SPIN3: variants seen among roughly 807,000 people sequenced by gnomAD.
The protein encoded by SPIN3 is spindlin family member 3.
For missense variants in SPIN3, 176 were observed against 196.4 expected, an observed-to-expected ratio of 0.90 and a Z score of 0.62; for synonymous variants, 74 against 74.3, an observed-to-expected ratio of 1.00 and a Z score of 0.02.
chrX:56,995,521 T>C lies in SPIN3; in HGVS notation c.-308A>G, dbSNP rs1178545269. The stretch of plus-strand genomic sequence containing the variant: ...CTCTCCCACATCGGACTCCCACTAG[T>C]CGCTGCTGCGCCGCAGTCTCCTCCT... On this transcript the variant is annotated 5_prime_UTR_variant, in exon 1 of 2. Transcript: ENST00000374919. The C allele has an allele frequency of 8.9e-6, 1 of 112,554 alleles. No homozygotes were observed. Among genetic ancestry groups the C allele is most frequent in the Non-Finnish European group, 1.9e-5 (1 of 53,877 alleles). 9.3% of individuals were successfully genotyped at this position (112,554 alleles called of 1,213,427 possible). A position where few individuals can be genotyped will look rare whatever the true frequency, so the allele number is the denominator to read the frequency against.
rs1287054919 is a variant in SPIN3 at position 56,992,935 on chromosome X, A to G, written c.*1236T>C. ...AAACAGGATAGTTAAAAATCCAAAC[A>G]CTAACAAAAATCTATTAGATTTCTA... On this transcript the variant is annotated 3_prime_UTR_variant, in exon 2 of 2. Transcript: ENST00000374919. 8.0e-6 allele frequency: 1 copy of G among 125,111 alleles called. No individual in the cohort carries two copies. The highest frequency in any genetic ancestry group is 3.4e-3 in the Middle Eastern group (1 of 293). The allele number at this position is 125,111 out of a possible 1,213,427, so 10.3% of individuals were successfully genotyped here. A position where few individuals can be genotyped will look rare whatever the true frequency, so the allele number is the denominator to read the frequency against.
intron 1 of SPIN3, 31 bp from the exon 2 acceptor site, chrX:56,994,980 C>T: frequency 1.8e-6 from 2 of 1,135,005 alleles, no homozygotes; most frequent in South Asian, 4.2e-5. Context: ...GCCAGGTGGA[C>T]CGAGAAAGGA....
chrX:56,994,819 G>A lies in SPIN3; in HGVS notation c.129C>T (p.Ser43=). The A allele has an allele frequency of 8.3e-7, 1 of 1,211,690 alleles. No individual in the cohort carries two copies. Among genetic ancestry groups the A allele is most frequent in the Non-Finnish European group, 1.1e-6 (1 of 895,529 alleles). ...AHKKHRSRPT[S]QPRGNIVGCR... is the part of the protein sequence containing the mutation. ...AGCCCACGATGTTCCCCCGAGGCTG[G>A]GAGGTGGGTCGGCTCCTATGCTTCT... The change falls in exon 2 of 2, where the codon TCC becomes TCT. Residue 43 remains serine (S), a synonymous_variant. Coordinates refer to ENST00000374919, the MANE Select transcript of SPIN3 (RefSeq NM_001010862.3).
chrX:56,994,800 C>G lies in SPIN3; in HGVS notation c.148G>C (p.Val50Leu), dbSNP rs754139163. 8.3e-7 allele frequency: 1 copy of G among 1,211,716 alleles called. No individual in the cohort carries two copies. The highest frequency in any genetic ancestry group is 2.2e-5 in the Admixed American group (1 of 46,076). ...RPTSQPRGNI[V>L]GCRIQHGWKD... is the part of the protein sequence containing the mutation. Reference sequence around the variant, plus strand: ...CATCCGTGCTGAATTCTGCAGCCCACGATGTTCCCCCGAGGCTGGGAGGTG... The same window carrying G: ...CATCCGTGCTGAATTCTGCAGCCCAGGATGTTCCCCCGAGGCTGGGAGGTG... Residue 50 changes from valine to leucine, a missense_variant, in exon 2 of 2, where the codon GTG (valine) becomes CTG (leucine). By Grantham distance (32) the Val-to-Leu change is conservative. Coordinates refer to ENST00000374919, the MANE Select transcript of SPIN3 (RefSeq NM_001010862.3).
At chrX:56,983,611 A>T (rs574815990) in intron 3 of SPIN3, among the ~76,000 whole-genome samples, 3 of 112,806 alleles carry the variant, frequency 2.7e-5, no homozygotes, top group South Asian at 3.6e-4. Context: ...TGTTTAAGCA[A>T]GGGAGGCCCT....
In SPIN3 at chrX:56,994,845, T is replaced by G; in HGVS notation, c.103A>C (p.Lys35Gln). 3 of 1,211,805 alleles carry G rather than the reference T, an allele frequency of 2.5e-6. No homozygotes were observed. The highest frequency in any genetic ancestry group is 3.3e-6 in the Non-Finnish European group (3 of 895,558). The change falls in exon 2 of 2, where the codon AAG (lysine) becomes CAG (glutamine). Residue 35 changes from lysine (K) to glutamine (Q), a missense_variant. By Grantham distance (53) the Lys-to-Gln change is moderately conservative. Coordinates refer to ENST00000374919, the MANE Select transcript of SPIN3 (RefSeq NM_001010862.3). ...GAGGTGGGTCGGCTCCTATGCTTCTTGTGTGCAGCCTTCCTCTTTATCATG... is the reference window on the plus strand; with the variant it reads ...GAGGTGGGTCGGCTCCTATGCTTCTGGTGTGCAGCCTTCCTCTTTATCATG... ...VTMIKRKAAH[K>Q]KHRSRPTSQP...
rs1222813922 is a variant in SPIN3, at chrX:56,981,113, C to G, written c.*205-2453G>C. On this transcript the variant is annotated intron_variant and NMD_transcript_variant, in intron 3 of 5. Coordinates refer to the SPIN3 transcript ENST00000475785. ...CAATGGCTCACGCCTATAATCCCAG[C>G]ACTTTGGGAGGCCGAGGCAGGCAGA... 2.3e-4 allele frequency among the ~76,000 whole-genome samples: 25 copies of G among 110,375 alleles called. No homozygotes were observed. In the Admixed American group the frequency reaches 2.4e-3, roughly 11 times the overall value.
chrX:56,985,606 C>T (rs984811810), intron 2 of SPIN3, among the ~76,000 whole-genome samples: 3 of 112,233 alleles, frequency 2.7e-5, no homozygotes, highest in African/African-American at 6.5e-5. Flanking sequence ...ACCCCAAGGG[C>T]GCTGCTTAAT....
chrX:56,989,981 C>A (rs991087687), downstream of SPIN3, among the ~76,000 whole-genome samples: 1 of 110,075 alleles, frequency 9.1e-6, no homozygotes, highest in Non-Finnish European at 1.9e-5. Flanking sequence ...CCACCCTGTC[C>A]GTGGAAAAAT....
chrX:56,981,695 T>C (rs1441608467), intron 3 of SPIN3: 1 of 112,425 alleles, frequency 8.9e-6, no homozygotes, highest in African/African-American at 3.2e-5. Flanking sequence ...ACTTATTTCC[T>C]ATCTGCATTT....
chrX:56,981,737 A>G (rs924467377), intron 3 of SPIN3: 1 of 112,007 alleles, frequency 8.9e-6, no homozygotes, highest in Non-Finnish European at 1.9e-5. Context: ...TCACGGATTT[A>G]TGGTAACATT....
chrX:56,990,693 T>A (rs1430662895), downstream of SPIN3: 1 of 111,470 alleles, frequency 9.0e-6, no homozygotes, highest in Non-Finnish European at 1.9e-5. Context: ...TTGAGAAAAA[T>A]TGGACTGGCA....
chrX:56,994,113 G>C lies in SPIN3; in HGVS notation c.*58C>G. 9.4e-7 allele frequency: 1 copy of C among 1,061,128 alleles called. No homozygotes were observed. Among genetic ancestry groups the C allele is most frequent in the Non-Finnish European group, 1.3e-6 (1 of 797,074 alleles). 87.4% of individuals were successfully genotyped at this position (1,061,128 alleles called of 1,213,427 possible). ...TTCTTACAAACTGGAAAGCAATCAAGACTTTCTGTGTCTACAGATTTAGAG... is the reference window on the plus strand; with the variant it reads ...TTCTTACAAACTGGAAAGCAATCAACACTTTCTGTGTCTACAGATTTAGAG... On this transcript the variant is annotated 3_prime_UTR_variant, in exon 2 of 2. Coordinates refer to ENST00000374919, the MANE Select transcript of SPIN3 (RefSeq NM_001010862.3).
chrX:56,992,244 C>T lies in SPIN3; in HGVS notation c.*1927G>A, dbSNP rs771160158. On this transcript the variant is annotated 3_prime_UTR_variant, in exon 2 of 2. Transcript: ENST00000374919. ...CCTCAGGAGTTGAATTAATCTAACC[C>T]CACAATTGCATGTCATACATATTAA... 1 of 297,045 alleles carries T rather than the reference C, an allele frequency of 3.4e-6. No homozygotes were observed. Among genetic ancestry groups the T allele is most frequent in the South Asian group, 2.0e-4 (1 of 4,969 alleles). 24.5% of individuals were successfully genotyped at this position (297,045 alleles called of 1,213,427 possible).
downstream of SPIN3, chrX:56,975,929 G>A (rs1328401052): frequency 1.8e-5 from 2 of 111,417 alleles, no homozygotes; most frequent in African/African-American, 6.5e-5. Context: ...TAAGGCCATA[G>A]GGATTCCCTT....
chrX:56,982,167 G>A (rs969223130), intron 3 of SPIN3: 3 of 111,533 alleles, frequency 2.7e-5, no homozygotes, highest in Non-Finnish European at 5.6e-5. Context: ...CCAGGATCAT[G>A]ATGGAATTCT....
downstream of SPIN3, chrX:56,975,530 T>C (rs1334407953): frequency 9.0e-6 from 1 of 110,808 alleles, no homozygotes; most frequent in African/African-American, 3.3e-5. Context: ...TGTTGGAGGG[T>C]ATAATGAGGT....
At chrX:56,985,787 T>C (rs1924211274) in intron 2 of SPIN3, among the ~76,000 whole-genome samples, 1 of 112,066 alleles carries the variant, frequency 8.9e-6, no homozygotes. Context: ...TTCACCTATG[T>C]AGCTCTAGCT....
intron 3 of SPIN3, chrX:56,982,108 A>G (rs1924132707): frequency 1.8e-5 from 2 of 111,677 alleles, no homozygotes; most frequent in Non-Finnish European, 3.8e-5. Context: ...GAGAGGTACT[A>G]CATCCTCTCA....
Sources: gnomAD v4.1 joint callset for allele counts (sites outside exome capture counted in the v4.1 genomes callset) on GRCh38, gnomAD v4.1.1 for gene constraint, MANE v1.5 for transcripts, NCBI Gene and HGNC (gene_info 2026-07-23, HGNC 2026-07-21) for gene names.